Variants in PEX7 observed in about 807,000 individuals in gnomAD.
The protein encoded by PEX7 is peroxisomal biogenesis factor 7.
In PEX7, 34 loss-of-function variants were observed where a neutral mutation model predicts 47.5. The observed-to-expected ratio is 0.72, with a 90% CI of 0.54 to 0.95. The LOEUF (loss-of-function observed/expected upper bound fraction) is 0.95. PEX7 is among the 40% of genes least tolerant of loss of function. The pLI is 0.00. For synonymous variants in PEX7, 141 were observed against 148.8 expected (o/e 0.95, Z 0.38); for missense variants, 394 against 400.3 (o/e 0.98, Z 0.13).
intron 3 of PEX7, among the ~76,000 whole-genome samples, chr6:136,835,313 A>G (rs960302758): frequency 2.7e-5 from 4 of 150,146 alleles, no homozygotes; most frequent in South Asian, 4.2e-4. Context: ...TTTTGAGACA[A>G]AGTCTTCCTG....
chr6:136,912,499 A>G (rs1775949101), intron 9 of PEX7, among the ~76,000 whole-genome samples: 1 of 151,888 alleles, frequency 6.6e-6, no homozygotes, highest in Admixed American at 6.6e-5. Context: ...TTGCTCTTTA[A>G]TTGTTTTGGT....
At chr6:136,848,135 G>A (rs549987899) in intron 5 of PEX7, among the ~76,000 whole-genome samples, 1 of 152,124 alleles carries the variant, frequency 6.6e-6, no homozygotes, top group African/African-American at 2.4e-5. Flanking sequence ...CTCATGATTT[G>A]GCTCTCTTTT....
chr6:136,876,551 C>T (rs1775276553), intron 8 of PEX7, among the ~76,000 whole-genome samples: 3 of 152,128 alleles, frequency 2.0e-5, no homozygotes, highest in African/African-American at 7.2e-5. Context: ...CATGTGATCT[C>T]GTTGTTCAAC....
intron 8 of PEX7, among the ~76,000 whole-genome samples, chr6:136,885,241 A>G (rs1350798094): frequency 1.3e-5 from 2 of 152,220 alleles, no homozygotes; most frequent in African/African-American, 4.8e-5. Flanking sequence ...ATTTTAATTG[A>G]TAAAGCTAAA....
chr6:136,866,313 C>G (rs1775071128), intron 5 of PEX7, among the ~76,000 whole-genome samples: 1 of 152,002 alleles, frequency 6.6e-6, no homozygotes, highest in Non-Finnish European at 1.5e-5. Context: ...ACTTTATTTC[C>G]TAACACGAGA....
chr6:136,900,386 G>T lies in PEX7; in HGVS notation c.903+2145G>T, dbSNP rs1312528327. 2.9e-6 allele frequency: 1 copy of T among 342,718 alleles called. No individual in the cohort carries two copies. The highest frequency in any genetic ancestry group is 5.8e-6 in the Non-Finnish European group (1 of 171,552). The allele number at this position is 342,718 out of a possible 1,614,324, so 21.2% of individuals were successfully genotyped here. On this transcript the variant is annotated intron_variant, in intron 9 of 9. Coordinates refer to ENST00000318471, the MANE Select transcript of PEX7 (RefSeq NM_000288.4). This position sits in a 1 kb window ranked among gnomAD's most constrained non-coding sequence, Gnocchi z 4.2. ...AACTCAACCGTGTACATTTAATCCA[G>T]TTTAGTGGCAGGTTCTTTAGCCTTT...
chr6:136,906,912 T>G lies in PEX7; in HGVS notation c.904-6546T>G, dbSNP rs1206589607. Among the ~76,000 whole-genome samples the G allele has an allele frequency of 3.3e-5, 5 of 152,312 alleles. No homozygotes were observed. The South Asian group carries it at 8.3e-4, about 25-fold the overall frequency. On this transcript the variant is annotated intron_variant, in intron 9 of 9. Transcript: ENST00000318471. ...TCAAGAGGAAGCCCATTAATTCCCT[T>G]CAGTGTAGAGTCTGAACTTTTAATC...
intron 5 of PEX7, among the ~76,000 whole-genome samples, chr6:136,855,518 T>G (rs1448146197): frequency 6.6e-6 from 1 of 152,160 alleles, no homozygotes; most frequent in Admixed American, 6.5e-5. Flanking sequence ...TTTTGTATTT[T>G]TAGTAGAGCC....
chr6:136,828,259 A>G (rs1418514827), intron 3 of PEX7, among the ~76,000 whole-genome samples: 2 of 152,220 alleles, frequency 1.3e-5, no homozygotes, highest in African/African-American at 4.8e-5. Flanking sequence ...TAAGTAATGA[A>G]TAAAATAAAT....
At chr6:136,896,663 A>G (rs1012828624) in intron 8 of PEX7, among the ~76,000 whole-genome samples, 3 of 152,178 alleles carry the variant, frequency 2.0e-5, no homozygotes, top group Non-Finnish European at 4.4e-5. Flanking sequence ...TGCAGATGCC[A>G]TCTTACTTTC....
At chr6:136,905,184 C>T (rs552946081) in intron 9 of PEX7, among the ~76,000 whole-genome samples, 23 of 152,294 alleles carry the variant, frequency 1.5e-4, no homozygotes, top group African/African-American at 5.3e-4. Flanking sequence ...CTCTGTCACC[C>T]CAAAAGGTTT....
At chr6:136,860,114 C>T (rs1224790149) in intron 5 of PEX7, among the ~76,000 whole-genome samples, 1 of 152,124 alleles carries the variant, frequency 6.6e-6, no homozygotes, top group Non-Finnish European at 1.5e-5. Context: ...GGCACCATCA[C>T]AGGGCCCTGA....
chr6:136,829,598 G>A (rs1188270860), intron 3 of PEX7, among the ~76,000 whole-genome samples: 1 of 152,142 alleles, frequency 6.6e-6, no homozygotes, highest in Non-Finnish European at 1.5e-5. Context: ...AAGGATTTAA[G>A]CTCAAATGAG....
At chr6:136,895,285 TAATA>T (rs1180276647) in intron 8 of PEX7, among the ~76,000 whole-genome samples, 1 of 152,240 alleles carries the variant, frequency 6.6e-6, no homozygotes, top group African/African-American at 2.4e-5. Flanking sequence ...AGCAATTAAA[TAATA>T]AATTATAGTA....
At chr6:136,846,046 G>A in intron 4 of PEX7, 27 bp from the exon 5 acceptor site, 1 of 1,370,660 alleles carries the variant, frequency 7.3e-7, no homozygotes, top group Non-Finnish European at 1.0e-6. Flanking sequence ...TATCCCTCAA[G>A]TAATTGATCT....
At chr6:136,871,684 C>G (rs1538346) in intron 7 of PEX7, among the ~76,000 whole-genome samples, 97,153 of 151,846 alleles carry the variant, frequency 0.64, 31,213 homozygotes, top group African/African-American at 0.7. Flanking sequence ...TCAGCTTCCC[C>G]AGAAGCTGAG....
chr6:136,826,871 AG>A (rs1774202367), intron 3 of PEX7, among the ~76,000 whole-genome samples: 2 of 152,180 alleles, frequency 1.3e-5, no homozygotes, highest in African/African-American at 4.8e-5. Flanking sequence ...GAGGTGTTTC[AG>A]AGTATATTGG....
chr6:136,872,545 A>G lies in PEX7; in HGVS notation c.803+292A>G, dbSNP rs553650788. On this transcript the variant is annotated intron_variant, in intron 8 of 9. Coordinates refer to ENST00000318471, the MANE Select transcript of PEX7 (RefSeq NM_000288.4). ...TTCCTACACTATAGATGGCATAGCC[A>G]ATATATTCTAAATTTAGATATAGAA... Among the ~76,000 whole-genome samples, 300 of 152,314 alleles carry G rather than the reference A, an allele frequency of 2.0e-3. 3 individuals are homozygous for G. The highest frequency in any genetic ancestry group is 6.5e-3 in the African/African-American group (269 of 41,590).
chr6:136,870,454 A>C (rs1233877570), intron 7 of PEX7, among the ~76,000 whole-genome samples: 1 of 152,102 alleles, frequency 6.6e-6, no homozygotes, highest in Admixed American at 6.5e-5. Context: ...AAAGTTTTCT[A>C]CTCTGTGAAC....
Sources: allele counts gnomAD v4.1 joint callset (sites outside exome capture counted in the v4.1 genomes callset), GRCh38; gene constraint gnomAD v4.1.1; non-coding constraint Gnocchi (gnomAD v3.1); transcripts MANE v1.5; gene names NCBI Gene and HGNC (gene_info 2026-07-23, HGNC 2026-07-21).